PARL: variants seen among roughly 807,000 people sequenced by gnomAD.
The protein encoded by PARL is presenilin associated rhomboid like.
Under a neutral mutation model 51.6 loss-of-function variants are expected in PARL, and 44 were observed. The ratio of observed to expected loss-of-function variants is 0.85; its 90% CI spans 0.67 to 1.10. The LOEUF is 1.10. Ranked by LOEUF, PARL falls within the 50% of genes least tolerant of loss-of-function variation. The pLI is 0.00. For synonymous variants in PARL, 172 were observed against 164.0 expected, an observed-to-expected ratio of 1.05 and a Z score of -0.37; for missense variants, 441 against 469.5, an observed-to-expected ratio of 0.94 and a Z score of 0.56.
chr3:183,827,546 A>G (rs1182174529), downstream of PARL, among the ~76,000 whole-genome samples: 3 of 152,146 alleles, frequency 2.0e-5, no homozygotes, highest in Non-Finnish European at 4.4e-5. Flanking sequence ...TGCTTTGGAG[A>G]CCAGCTGGAA....
chr3:183,876,610 T>TAAAAAAAAAAAAAAAATA (rs1733846346), intron 1 of PARL, among the ~76,000 whole-genome samples: 1 of 91,828 alleles, frequency 1.1e-5, no homozygotes, highest in Non-Finnish European at 2.0e-5. Context: ...ATACATTTTG[T>TAAAAAAAAAAAAAAAATA]AAAAAAAAAA....
intron 7 of PARL, among the ~76,000 whole-genome samples, chr3:183,834,463 A>C (rs569280988): frequency 6.6e-6 from 1 of 152,330 alleles, no homozygotes; most frequent in Non-Finnish European, 1.5e-5. Context: ...TGAGTCTCAA[A>C]GTAATTATAC....
chr3:183,867,537 A>G (rs1002555360), intron 2 of PARL, among the ~76,000 whole-genome samples: 5 of 152,026 alleles, frequency 3.3e-5, no homozygotes, highest in Admixed American at 3.3e-4. Context: ...CGTCTCTACT[A>G]AAAATACAAA....
intron 1 of PARL, among the ~76,000 whole-genome samples, chr3:183,871,623 G>C (rs1311625980): frequency 6.6e-6 from 1 of 151,872 alleles, no homozygotes; most frequent in Admixed American, 6.6e-5. Context: ...ATACAAAAGA[G>C]TACATGATAT....
At chr3:183,843,655 C>T (rs1332046967) in intron 5 of PARL, among the ~76,000 whole-genome samples, 3 of 152,168 alleles carry the variant, frequency 2.0e-5, no homozygotes, top group African/African-American at 7.2e-5. Context: ...ATGTTGAAAC[C>T]CCGTCTCTAC....
intron 6 of PARL, 149 bp from the exon 7 acceptor site, chr3:183,840,789 A>T: frequency 3.4e-6 from 2 of 580,766 alleles, no homozygotes. Flanking sequence ...GCTCACTGCA[A>T]CCTGTGCCTA....
chr3:183,884,695 A>G (rs1359653416), intron 1 of PARL, 27 bp downstream of exon 1: 1 of 1,579,904 alleles, frequency 6.3e-7, no homozygotes, highest in Non-Finnish European at 8.6e-7. Context: ...CCAAGAGGCG[A>G]GAAGACCAGA....
At chr3:183,844,038 CAAAAAAAACAAA>C (rs1243485684) in intron 5 of PARL, among the ~76,000 whole-genome samples, 181 bp downstream of exon 5, 1 of 151,506 alleles carries the variant, frequency 6.6e-6, no homozygotes, top group Non-Finnish European at 1.5e-5. Flanking sequence ...GACTCCGTCT[CAAAAAAAACAAA>C]GAAAAAGAAA....
intron 1 of PARL, among the ~76,000 whole-genome samples, chr3:183,875,650 G>A (rs1332802482): frequency 6.6e-6 from 1 of 152,196 alleles, no homozygotes. Context: ...GAAACAAGCT[G>A]TCTCTATAAC....
At chr3:183,878,240 C>G (rs1349756329) in intron 1 of PARL, among the ~76,000 whole-genome samples, 1 of 152,142 alleles carries the variant, frequency 6.6e-6, no homozygotes, top group Non-Finnish European at 1.5e-5. Flanking sequence ...TCTACCATGA[C>G]AGAGGGAGTG....
chr3:183,839,422 A>AG (rs1208574173), intron 7 of PARL, among the ~76,000 whole-genome samples: 1 of 152,148 alleles, frequency 6.6e-6, no homozygotes, highest in Non-Finnish European at 1.5e-5. Flanking sequence ...TCTTTGAGAC[A>AG]GGGTCTTGTT....
At chr3:183,868,138 G>T in intron 1 of PARL, 78 bp from the exon 2 acceptor site, 1 of 1,000,296 alleles carries the variant, frequency 1.0e-6, no homozygotes, top group Non-Finnish European at 1.6e-6. Flanking sequence ...CACTTGGCCT[G>T]CATCATCACC....
At chr3:183,880,917 G>T (rs796202181) in intron 1 of PARL, among the ~76,000 whole-genome samples, 23 of 152,136 alleles carry the variant, frequency 1.5e-4, no homozygotes, top group African/African-American at 4.6e-4. Flanking sequence ...CCGGCCTCAA[G>T]CAATCCTCCT....
chr3:183,849,901 A>G (rs1415577320), intron 4 of PARL, among the ~76,000 whole-genome samples: 1 of 152,226 alleles, frequency 6.6e-6, no homozygotes, highest in Non-Finnish European at 1.5e-5. Context: ...ACAAAATACA[A>G]TGAACAATTA....
At chr3:183,850,567 G>A (rs1221867496) in intron 4 of PARL, among the ~76,000 whole-genome samples, 1 of 152,138 alleles carries the variant, frequency 6.6e-6, no homozygotes, top group Non-Finnish European at 1.5e-5. Context: ...CTACAACTGG[G>A]AAATTCTACC....
In PARL at chr3:183,837,032, C is replaced by T. The variant is rs540206616; in HGVS notation, c.829-3207G>A. ...CTGGGATTACAGTTGTGAGCCACTG[C>T]GCCTGGGCTCACAAACATTTTTCTG... On this transcript the variant is annotated intron_variant, in intron 7 of 9. Coordinates refer to ENST00000317096, the MANE Select transcript of PARL (RefSeq NM_018622.7). 6.6e-5 allele frequency among the ~76,000 whole-genome samples: 10 copies of T among 152,232 alleles called. No homozygotes were observed. In the South Asian group the frequency reaches 1.2e-3, roughly 19 times the overall value.
At chr3:183,855,806 A>G (rs1208379092) in intron 4 of PARL, among the ~76,000 whole-genome samples, 1 of 152,066 alleles carries the variant, frequency 6.6e-6, no homozygotes, top group Non-Finnish European at 1.5e-5. Context: ...CTAAAAATAC[A>G]AAAGTTACCC....
chr3:183,858,845 A>G (rs1461742158), intron 4 of PARL, among the ~76,000 whole-genome samples: 1 of 152,146 alleles, frequency 6.6e-6, no homozygotes, highest in Non-Finnish European at 1.5e-5. Flanking sequence ...GTGGGCTTAT[A>G]AACACTTTTT....
chr3:183,854,990 T>A (rs554053114), intron 4 of PARL, among the ~76,000 whole-genome samples: 2 of 152,274 alleles, frequency 1.3e-5, no homozygotes, highest in East Asian at 3.9e-4. Flanking sequence ...ACTGATGATA[T>A]ATACTGCAAC....
Sources: gnomAD v4.1 joint callset for allele counts (sites outside exome capture counted in the v4.1 genomes callset) on GRCh38, gnomAD v4.1.1 for gene constraint, MANE v1.5 for transcripts, NCBI Gene and HGNC (gene_info 2026-07-23, HGNC 2026-07-21) for gene names.